SWT1: variants seen among roughly 807,000 people sequenced by gnomAD.
SWT1 encodes transcriptional protein SWT1.
A neutral mutation model predicts 107.3 loss-of-function variants in SWT1; 33 were observed. The ratio of observed to expected loss-of-function variants is 0.31; its 90% CI spans 0.23 to 0.41. The LOEUF (loss-of-function observed/expected upper bound fraction) is 0.41. Ranked by LOEUF, SWT1 falls within the 10% of genes least tolerant of loss-of-function variation. SWT1 has a pLI of 1.00. For missense variants in SWT1, 898 were observed against 1,028.9 expected, an observed-to-expected ratio of 0.87 and a Z score of 1.74; for synonymous variants, 345 against 348.3, an observed-to-expected ratio of 0.99 and a Z score of 0.11.
chr1:185,267,711 T>C (rs1330050108), intron 16 of SWT1, among the ~76,000 whole-genome samples: 1 of 152,238 alleles, frequency 6.6e-6, no homozygotes, highest in Non-Finnish European at 1.5e-5. Flanking sequence ...AATATGAATA[T>C]ATTTATAAAT....
At chr1:185,277,647 A>T (rs761862202) in intron 18 of SWT1, among the ~76,000 whole-genome samples, 5 of 152,158 alleles carry the variant, frequency 3.3e-5, no homozygotes, top group Non-Finnish European at 7.4e-5. Context: ...ATACCCTCTG[A>T]GAGAGTCTTA....
chr1:185,185,005 G>A, intron 9 of SWT1, 74 bp downstream of exon 9: 1 of 1,077,294 alleles, frequency 9.3e-7, no homozygotes, highest in Non-Finnish European at 1.3e-6. Context: ...GAGGGAAATG[G>A]TGCAAAACTT....
chr1:185,233,357 T>G (rs1660627703), intron 16 of SWT1, among the ~76,000 whole-genome samples: 1 of 152,248 alleles, frequency 6.6e-6, no homozygotes, highest in Non-Finnish European at 1.5e-5. Context: ...TGAATTTGTT[T>G]GCTCTTGCTT....
In SWT1 at chr1:185,257,593, AC is replaced by A. The variant is rs535935308; in HGVS notation, c.2442-13726del. On this transcript the variant is annotated intron_variant, in intron 16 of 18. Coordinates refer to ENST00000367500, the MANE Select transcript of SWT1 (RefSeq NM_017673.7). The stretch of plus-strand genomic sequence containing the variant: ...TTTGACTCGGAAAGGGAACTCCCTG[AC>A]CCCTTGCGCTTCCCAAGTGAGGCAA... Among the ~76,000 whole-genome samples the A allele has an allele frequency of 1.8e-3, 270 of 152,042 alleles. 1 individual carries two copies. The highest frequency in any genetic ancestry group is 6.2e-3 in the African/African-American group (256 of 41,482).
intron 5 of SWT1, 91 bp downstream of exon 5, chr1:185,175,204 T>TG: frequency 2.4e-6 from 2 of 838,398 alleles, no homozygotes; most frequent in Non-Finnish European, 3.2e-6. Flanking sequence ...TTTTTTCTGT[T>TG]TTTTTTTTTT....
At chr1:185,250,654 TTTTAA>T (rs1558074572) in intron 16 of SWT1, among the ~76,000 whole-genome samples, 1 of 152,048 alleles carries the variant, frequency 6.6e-6, no homozygotes, top group Admixed American at 6.6e-5. Context: ...TTTAATTTAA[TTTTAA>T]TTTAATTTAA....
intron 16 of SWT1, among the ~76,000 whole-genome samples, chr1:185,256,646 A>G (rs1662555264): frequency 6.9e-6 from 1 of 145,908 alleles, no homozygotes; most frequent in Non-Finnish European, 1.5e-5. Flanking sequence ...TCCTTTAAGC[A>G]CTTCTCTGTA....
At chr1:185,273,870 G>T (rs1571686645) in intron 17 of SWT1, among the ~76,000 whole-genome samples, 1 of 152,008 alleles carries the variant, frequency 6.6e-6, no homozygotes, top group Non-Finnish European at 1.5e-5. Context: ...GTAGAACTGG[G>T]CATGGTGGCT....
chr1:185,283,329 A>G (rs1200491879), intron 18 of SWT1, among the ~76,000 whole-genome samples: 1 of 152,234 alleles, frequency 6.6e-6, no homozygotes, highest in Non-Finnish European at 1.5e-5. Context: ...TGCTCTTGCC[A>G]GTAGAGTGTC....
chr1:185,184,169 C>A, intron 7 of SWT1, 74 bp from the exon 8 acceptor site: 3 of 704,226 alleles, frequency 4.3e-6, no homozygotes, highest in Non-Finnish European at 2.4e-6. Context: ...TTCAATGCTT[C>A]TGTAATATCA....
At chr1:185,161,306 A>G (rs1352207843) in intron 2 of SWT1, among the ~76,000 whole-genome samples, 1 of 152,108 alleles carries the variant, frequency 6.6e-6, no homozygotes, top group Non-Finnish European at 1.5e-5. Context: ...GTTGGCTAGG[A>G]TTGCATTCTT....
intron 18 of SWT1, among the ~76,000 whole-genome samples, chr1:185,284,496 G>C (rs1664833444): frequency 6.6e-6 from 1 of 152,208 alleles, no homozygotes; most frequent in African/African-American, 2.4e-5. Flanking sequence ...AATTTAAAGA[G>C]TTTACTTGAG....
chr1:185,256,401 A>G (rs1376938891), intron 16 of SWT1, among the ~76,000 whole-genome samples: 1 of 149,884 alleles, frequency 6.7e-6, no homozygotes, highest in Non-Finnish European at 1.5e-5. Context: ...CATTCTCCCC[A>G]TCACTTTCAG....
intron 13 of SWT1, among the ~76,000 whole-genome samples, chr1:185,212,330 A>C (rs1189395506): frequency 6.6e-6 from 1 of 152,156 alleles, no homozygotes; most frequent in African/African-American, 2.4e-5. Context: ...AAGTTAGTGT[A>C]AAAAATGAGG....
intron 6 of SWT1, 29 bp downstream of exon 6, chr1:185,180,479 T>A: frequency 6.5e-7 from 1 of 1,535,430 alleles, no homozygotes; most frequent in Non-Finnish European, 9.0e-7. Context: ...TACTTTGATA[T>A]TTTTAATGAA....
intron 18 of SWT1, among the ~76,000 whole-genome samples, chr1:185,289,330 TG>T (rs1665119760): frequency 6.6e-6 from 1 of 152,320 alleles, no homozygotes; most frequent in Admixed American, 6.5e-5. Flanking sequence ...GCTTCTTCCG[TG>T]GTGGACCTGC....
chr1:185,174,176 AT>A (rs1369806915), intron 4 of SWT1, among the ~76,000 whole-genome samples, 195 bp from the exon 5 acceptor site: 6 of 151,624 alleles, frequency 4.0e-5, no homozygotes, highest in African/African-American at 7.3e-5. Flanking sequence ...TAAAGTTGTA[AT>A]TTTTTTTTCC....
chr1:185,282,900 A>G (rs1440501674), intron 18 of SWT1, among the ~76,000 whole-genome samples: 2 of 152,170 alleles, frequency 1.3e-5, no homozygotes, highest in African/African-American at 4.8e-5. Flanking sequence ...CCAACTACCT[A>G]TAAATTGGGG....
At chr1:185,171,334 T>C (rs1655040862) in intron 4 of SWT1, 1 of 210,328 alleles carries the variant, frequency 4.8e-6, no homozygotes, top group Non-Finnish European at 1.0e-5. Flanking sequence ...TAAGTGAATT[T>C]TAATCCTCGT....
Sources: gnomAD v4.1 joint callset for allele counts (sites outside exome capture counted in the v4.1 genomes callset) on GRCh38, gnomAD v4.1.1 for gene constraint, MANE v1.5 for transcripts, NCBI Gene and HGNC (gene_info 2026-07-23, HGNC 2026-07-21) for gene names.